The following PCDHGA7 variants were observed in gnomAD, a reference collection of about 807,000 sequenced individuals.
The protein encoded by PCDHGA7 is protocadherin gamma subfamily A, 7.
A neutral mutation model predicts 58.3 loss-of-function variants in PCDHGA7; 44 were observed. That is an observed-to-expected ratio of 0.75 (90% confidence interval 0.59 to 0.97). The LOEUF (loss-of-function observed/expected upper bound fraction) is 0.97, where lower values mean the gene tolerates loss of function less well. Among genes scored for constraint, PCDHGA7 ranks in the 50% least tolerant of loss-of-function variants. The pLI is 0.00. For missense variants in PCDHGA7, 1,266 were observed against 1,188.7 expected (o/e 1.06, Z -0.96); for synonymous variants, 516 against 504.2 (o/e 1.02, Z -0.31).
chr5:141,391,756 TAGTA>T (rs1440223357), intron 1 of PCDHGA7: 2 of 152,192 alleles, frequency 1.3e-5, no homozygotes, highest in African/African-American at 2.4e-5. Flanking sequence ...TTTGGCTTCT[TAGTA>T]AGTATTATAT....
At position 141,400,239 on chromosome 5, in the gene PCDHGA7, T is replaced by G. The variant is rs1306520918; in HGVS notation, c.2424+14916T>G. Reference sequence around the variant, plus strand: ...CAGTGCTCTTCCTCCTGGCCGTGATTCTGGCCGTTGCCTTGCGCCTGCGAC... The same window carrying G: ...CAGTGCTCTTCCTCCTGGCCGTGATGCTGGCCGTTGCCTTGCGCCTGCGAC... On this transcript the variant is annotated intron_variant, in intron 1 of 3. Coordinates refer to ENST00000518325, the MANE Select transcript of PCDHGA7 (RefSeq NM_018920.4). 1.9e-6 allele frequency: 3 copies of G among 1,614,054 alleles called. No individual in the cohort carries two copies. The highest frequency in any genetic ancestry group is 2.2e-5 in the East Asian group (1 of 44,880).
intron 1 of PCDHGA7, chr5:141,421,262 GGCT>G (rs748368476): frequency 2.1e-5 from 34 of 1,608,226 alleles, no homozygotes; most frequent in Admixed American, 5.1e-5. Flanking sequence ...GACCGCAGTC[GGCT>G]GCTGCTGCTG....
At chr5:141,387,610 T>A in intron 1 of PCDHGA7, 2 of 558,176 alleles carry the variant, frequency 3.6e-6, no homozygotes, top group East Asian at 3.0e-5. Flanking sequence ...AGGCTGTAGT[T>A]TCCTAGTGCT....
At position 141,489,657 on chromosome 5, in the gene PCDHGA7, G is replaced by T. The variant is rs755618175; in HGVS notation, c.2425-5150G>T. 6.2e-7 allele frequency: 1 copy of T among 1,614,198 alleles called. No individual in the cohort carries two copies. Among genetic ancestry groups the T allele is most frequent in the Admixed American group, 1.7e-5 (1 of 60,030 alleles). ...CTAGCTTTGCCACCCCTGAGCGAGA[G>T]ATGCGCATCTCAGAATCAGCAGCAT... On this transcript the variant is annotated intron_variant, in intron 1 of 3. Coordinates refer to ENST00000518325, the MANE Select transcript of PCDHGA7 (RefSeq NM_018920.4). This position sits in a 1 kb window ranked among gnomAD's most constrained non-coding sequence, Gnocchi z 4.5.
intron 2 of PCDHGA7, among the ~76,000 whole-genome samples, chr5:141,503,598 CAA>C (rs765754054): frequency 2.7e-4 from 18 of 65,718 alleles, no homozygotes; most frequent in Admixed American, 6.9e-4. Flanking sequence ...GACTCCAGCT[CAA>C]AAAAAAAAAA....
intron 1 of PCDHGA7, chr5:141,442,134 AG>A (rs1365375748): frequency 6.1e-6 from 1 of 163,744 alleles, no homozygotes; most frequent in African/African-American, 2.4e-5. Context: ...AGCCTGCAGG[AG>A]ACTCTGCCAG....
chr5:141,425,119 T>G (rs1234720658), intron 1 of PCDHGA7, among the ~76,000 whole-genome samples: 1 of 152,220 alleles, frequency 6.6e-6, no homozygotes, highest in Non-Finnish European at 1.5e-5. Context: ...ACATTTTTCT[T>G]GAAGTCAAGA....
At chr5:141,418,868 G>A in intron 1 of PCDHGA7, 2 of 1,613,998 alleles carry the variant, frequency 1.2e-6, no homozygotes, top group Non-Finnish European at 1.7e-6. Flanking sequence ...AATTGTAGAA[G>A]TTGTAGACGA....
intron 2 of PCDHGA7, among the ~76,000 whole-genome samples, chr5:141,500,023 G>C (rs1393994881): frequency 1.3e-5 from 2 of 151,754 alleles, no homozygotes; most frequent in Admixed American, 6.6e-5. Flanking sequence ...TTTTATATTT[G>C]AGTGAGTGTC....
Position 141,419,305 on chromosome 5 carries a change from G to A in PCDHGA7, c.2424+33982G>A, listed in dbSNP as rs778360128. ...TCAGTGCCTCTGACCCAGACTTCGGGCTCAACGGCCGTGTCTCCTACTCTC... is the reference window on the plus strand; with the variant it reads ...TCAGTGCCTCTGACCCAGACTTCGGACTCAACGGCCGTGTCTCCTACTCTC... On this transcript the variant is annotated intron_variant, in intron 1 of 3. Transcript: ENST00000518325. The A allele has an allele frequency of 3.1e-6, 5 of 1,613,906 alleles. No individual in the cohort carries two copies. The East Asian group carries it at 1.1e-4, about 36-fold the overall frequency.
chr5:141,432,964 G>A lies in PCDHGA7; in HGVS notation c.2424+47641G>A, dbSNP rs2097554835. On this transcript the variant is annotated intron_variant, in intron 1 of 3. Transcript: ENST00000518325. This position sits in a 1 kb window ranked among gnomAD's most constrained non-coding sequence, Gnocchi z 6.0. Reference sequence around the variant, plus strand: ...CTTCAGGAGGCGGCTTGACAGGAGCGCCGGCGTCGCACTTTGTGGGCGTGG... The same window carrying A: ...CTTCAGGAGGCGGCTTGACAGGAGCACCGGCGTCGCACTTTGTGGGCGTGG... The A allele has an allele frequency of 6.2e-7, 1 of 1,614,044 alleles. No homozygotes were observed. Among genetic ancestry groups the A allele is most frequent in the African/African-American group, 1.3e-5 (1 of 74,934 alleles).
intron 1 of PCDHGA7, chr5:141,387,783 C>A: frequency 6.8e-7 from 1 of 1,467,932 alleles, no homozygotes; most frequent in Non-Finnish European, 9.1e-7. Context: ...TGAACTGGAA[C>A]TGCAACTAAA....
chr5:141,394,435 C>T, intron 1 of PCDHGA7: 1 of 1,614,246 alleles, frequency 6.2e-7, no homozygotes, highest in Non-Finnish European at 8.5e-7. Flanking sequence ...GGGGACCCGC[C>T]CCTCAGCAGC....
chr5:141,409,183 C>G (rs1217234895), intron 1 of PCDHGA7: 6 of 1,614,028 alleles, frequency 3.7e-6, no homozygotes, highest in Non-Finnish European at 5.1e-6. Context: ...GAGGTGGTCT[C>G]TCTACCCAGT....
intron 1 of PCDHGA7, chr5:141,478,025 A>G (rs939969624): frequency 1.9e-6 from 3 of 1,614,146 alleles, no homozygotes; most frequent in Non-Finnish European, 2.5e-6. Flanking sequence ...AGTCCAAGAC[A>G]CAGATTCACC....
chr5:141,430,155 A>G (rs1440666899), intron 1 of PCDHGA7, among the ~76,000 whole-genome samples: 7 of 152,184 alleles, frequency 4.6e-5, no homozygotes, highest in Admixed American at 1.3e-4. Flanking sequence ...CATTCAAGGA[A>G]TCTATTTAAA....
rs757876687 is a variant in PCDHGA7 at position 141,413,273 on chromosome 5, G to A, written c.2424+27950G>A. On this transcript the variant is annotated intron_variant, in intron 1 of 3. Coordinates refer to ENST00000518325, the MANE Select transcript of PCDHGA7 (RefSeq NM_018920.4). The stretch of plus-strand genomic sequence containing the variant: ...GGGATTCCATGGGAGGCTGGAGCCC[G>A]GCAGATCTCCTACTCAATTCCTGAG... 4.3e-6 allele frequency: 7 copies of A among 1,613,920 alleles called. No homozygotes were observed. The highest frequency in any genetic ancestry group is 5.9e-6 in the Non-Finnish European group (7 of 1,179,902).
Position 141,486,585 on chromosome 5 carries a change from G to A in PCDHGA7, c.2425-8222G>A. The A allele has an allele frequency of 6.2e-7, 1 of 1,613,708 alleles. No individual in the cohort carries two copies. The highest frequency in any genetic ancestry group is 1.1e-5 in the South Asian group (1 of 91,080). ...TTTGTTCCTGAGAACAATCGCCCAG[G>A]GGACCTGCTTTGCTCCCTTGCAGCC... On this transcript the variant is annotated intron_variant, in intron 1 of 3. Transcript: ENST00000518325. The surrounding 1 kb of genome is among the most constrained non-coding windows in gnomAD (Gnocchi z 5.0).
chr5:141,470,242 T>G (rs1301513342), intron 1 of PCDHGA7, among the ~76,000 whole-genome samples: 1 of 152,226 alleles, frequency 6.6e-6, no homozygotes, highest in African/African-American at 2.4e-5. Flanking sequence ...CCCTTGAATG[T>G]CCCACCTGTC....
Sources: gnomAD v4.1 joint callset for allele counts (sites outside exome capture counted in the v4.1 genomes callset) on GRCh38, gnomAD v4.1.1 for gene constraint, Gnocchi (gnomAD v3.1) non-coding constraint, MANE v1.5 for transcripts, NCBI Gene and HGNC (gene_info 2026-07-23, HGNC 2026-07-21) for gene names.